Variants in TMEM164 observed in about 807,000 individuals in gnomAD.
TMEM164 encodes the protein transmembrane protein 164.
Under a neutral mutation model 18.8 loss-of-function variants are expected in TMEM164, and 4 were observed. The observed-to-expected ratio is 0.21, with a 90% CI of 0.10 to 0.49. The LOEUF is 0.49. Among genes scored for constraint, TMEM164 ranks in the 20% least tolerant of loss-of-function variants. The probability of loss-of-function intolerance (pLI) is 0.98; values close to 1 mark genes in which losing one functional copy is unlikely to be tolerated. For missense variants in TMEM164, 108 were observed against 239.9 expected, an observed-to-expected ratio of 0.45 and a Z score of 3.63; for synonymous variants, 86 against 101.7, an observed-to-expected ratio of 0.85 and a Z score of 0.93.
At chrX:110,165,810 G>A (rs2067152463) in intron 5 of TMEM164, among the ~76,000 whole-genome samples, 1 of 112,164 alleles carries the variant, frequency 8.9e-6, no homozygotes, top group South Asian at 3.7e-4. Context: ...TAGTCTAGAT[G>A]TCTCCTTCCT....
chrX:110,055,219 A>G, intron 2 of TMEM164: 2 of 340,588 alleles, frequency 5.9e-6, no homozygotes, highest in Non-Finnish European at 5.9e-6. Flanking sequence ...TTTTTTCTTG[A>G]CAAGATTTTT....
intron 4 of TMEM164, among the ~76,000 whole-genome samples, chrX:110,129,143 T>C (rs2066576954): frequency 8.9e-6 from 1 of 111,991 alleles, no homozygotes; most frequent in African/African-American, 3.2e-5. Context: ...ACCCAAGTAG[T>C]ATACATTCAC....
At position 110,091,574 on chromosome X, in the gene TMEM164, ATTTGTTTAAGTTC is replaced by A. The variant is rs778778191; in HGVS notation, c.441-17500_441-17488del. ...GGGGCTGTTTGATTTTTTCTTGTAA[ATTTGTTTAAGTTC>A]TTTGTAGATTCTGCATATTAGCCCT... is the stretch of plus-strand genomic sequence containing the variant. On this transcript the variant is annotated intron_variant, in intron 3 of 6. Coordinates refer to ENST00000372068, the MANE Select transcript of TMEM164 (RefSeq NM_032227.4). Among the ~76,000 whole-genome samples, 56 of 111,980 alleles carry A rather than the reference ATTTGTTTAAGTTC, an allele frequency of 5.0e-4. No individual in the cohort carries two copies. The East Asian group carries it at 9.2e-3, about 18-fold the overall frequency.
intron 2 of TMEM164, among the ~76,000 whole-genome samples, chrX:110,014,482 G>A (rs988396760): frequency 9.0e-6 from 1 of 111,592 alleles, no homozygotes; most frequent in African/African-American, 3.3e-5. Context: ...GGGTGATTCT[G>A]TTTAAAATGG....
intron 3 of TMEM164, among the ~76,000 whole-genome samples, chrX:110,093,136 A>G (rs767446735): frequency 8.9e-6 from 1 of 111,829 alleles, no homozygotes; most frequent in South Asian, 3.7e-4. Flanking sequence ...GGATTTTTGC[A>G]TCGATGTTCA....
At chrX:110,060,730 T>G (rs1184509398) in intron 2 of TMEM164, among the ~76,000 whole-genome samples, 2 of 111,878 alleles carry the variant, frequency 1.8e-5, no homozygotes, top group African/African-American at 6.5e-5. Flanking sequence ...TTCCTTAGTC[T>G]TTGCCTTTCA....
chrX:110,084,556 G>A (rs1426188675), intron 3 of TMEM164, among the ~76,000 whole-genome samples: 6 of 99,033 alleles, frequency 6.1e-5, no homozygotes, highest in Admixed American at 3.6e-4. Context: ...GAGGAGAATC[G>A]CTTGAACCCA....
At chrX:110,101,821 G>C (rs2066115939) in intron 3 of TMEM164, among the ~76,000 whole-genome samples, 1 of 109,539 alleles carries the variant, frequency 9.1e-6, no homozygotes, top group Non-Finnish European at 1.9e-5. Context: ...GGGCTCAGGT[G>C]ATCTCCCCGC....
rs2067293911 is a variant in TMEM164, at chrX:110,176,699, C to T, written c.*3248C>T. ...AGGTCTCTGTGCACTGGTATTGGGG[C>T]AGGGCAGTGCCCTGGGGGTAAGCTA... is the stretch of plus-strand genomic sequence containing the variant. On this transcript the variant is annotated 3_prime_UTR_variant, in exon 7 of 7. Coordinates refer to ENST00000372068, the MANE Select transcript of TMEM164 (RefSeq NM_032227.4). 1 of 111,188 alleles carries T rather than the reference C, an allele frequency of 9.0e-6. No individual in the cohort carries two copies. Among genetic ancestry groups the T allele is most frequent in the African/African-American group, 3.3e-5 (1 of 30,403 alleles). The allele number at this position is 111,188 out of a possible 1,213,427, so 9.2% of individuals were successfully genotyped here.
chrX:110,029,077 A>G (rs1934335294), intron 2 of TMEM164, among the ~76,000 whole-genome samples: 1 of 111,472 alleles, frequency 9.0e-6, no homozygotes, highest in East Asian at 2.8e-4. Context: ...TGGTGAAAGC[A>G]TCCCTCTGGG....
chrX:110,057,541 A>G (rs1376744763), intron 2 of TMEM164, among the ~76,000 whole-genome samples: 1 of 107,979 alleles, frequency 9.3e-6, no homozygotes. Flanking sequence ...TGTGTCATAG[A>G]ATAGGTCTTT....
chrX:110,127,628 A>G (rs1021184099), intron 4 of TMEM164, among the ~76,000 whole-genome samples: 12 of 112,289 alleles, frequency 1.1e-4, no homozygotes, highest in African/African-American at 3.6e-4. Flanking sequence ...GTTGAGATAT[A>G]CAGACATGTT....
At chrX:110,026,357 C>T (rs1450107918) in intron 2 of TMEM164, among the ~76,000 whole-genome samples, 3 of 111,681 alleles carry the variant, frequency 2.7e-5, no homozygotes, top group African/African-American at 9.8e-5. Flanking sequence ...CTACTAATTA[C>T]TCTGTAGACG....
chrX:110,144,098 T>C (rs746254881), intron 4 of TMEM164, among the ~76,000 whole-genome samples: 1 of 111,428 alleles, frequency 9.0e-6, no homozygotes, highest in Non-Finnish European at 1.9e-5. Flanking sequence ...GACATTCTTT[T>C]TGGTAAGCTG....
chrX:110,100,052 C>T (rs967305983), intron 3 of TMEM164, among the ~76,000 whole-genome samples: 2 of 112,044 alleles, frequency 1.8e-5, no homozygotes, highest in African/African-American at 6.5e-5. Flanking sequence ...CATCCTGTGA[C>T]CTTTAAAAAC....
chrX:110,163,499 G>A lies in TMEM164; in HGVS notation c.587-7921G>A, dbSNP rs139731300. On this transcript the variant is annotated intron_variant, in intron 5 of 6. Coordinates refer to ENST00000372068, the MANE Select transcript of TMEM164 (RefSeq NM_032227.4). ...CAAGTTCAAACTAACCACATTTCAA[G>A]TGCCCACCAGCTGCATGTGACTAGT... 7.2e-3 allele frequency among the ~76,000 whole-genome samples: 803 copies of A among 111,712 alleles called. 6 individuals carry two copies. Among genetic ancestry groups the A allele is most frequent in the African/African-American group, 0.024 (738 of 30,709 alleles).
rs56336159 is a variant in TMEM164, at chrX:110,067,154, GCACACACA to G, written c.391-175_391-168del. Among the ~76,000 whole-genome samples, 5 of 101,643 alleles carry G rather than the reference GCACACACA, an allele frequency of 4.9e-5. 1 individual carries two copies. The highest frequency in any genetic ancestry group is 1.8e-4 in the African/African-American group (5 of 27,884). 88.3% of individuals were successfully genotyped at this position (101,643 alleles called of 115,157 possible). On this transcript the variant is annotated intron_variant, in intron 2 of 6. Transcript: ENST00000372068. ...CTCCTTCTCCCTTTCTCATGTGTGC[GCACACACA>G]CACACACACACACACACGCATGCAT...
At chrX:110,071,716 CAAAAAA>C (rs59182790) in intron 3 of TMEM164, among the ~76,000 whole-genome samples, 43 of 43,362 alleles carry the variant, frequency 9.9e-4, no homozygotes, top group African/African-American at 4.4e-3. Flanking sequence ...TTTGTCTCTA[CAAAAAA>C]AAAAAAAAAA....
intron 2 of TMEM164, among the ~76,000 whole-genome samples, chrX:110,049,637 T>C (rs1387398991): frequency 2.7e-5 from 3 of 111,173 alleles, no homozygotes; most frequent in Non-Finnish European, 5.7e-5. Context: ...GGTCTGGGGG[T>C]TGGGGACCCC....
Sources: allele counts gnomAD v4.1 joint callset (sites outside exome capture counted in the v4.1 genomes callset), GRCh38; gene constraint gnomAD v4.1.1; transcripts MANE v1.5; gene names NCBI Gene and HGNC (gene_info 2026-07-23, HGNC 2026-07-21).